NDFIP1: variants seen among roughly 807,000 people sequenced by gnomAD.
The protein encoded by NDFIP1 is Nedd4 family interacting protein 1, also known as NEDD4 family-interacting protein 1.
NDFIP1 carries 7 observed loss-of-function variants against 28.8 expected under a neutral mutation model. That is an observed-to-expected ratio of 0.24 (90% confidence interval 0.14 to 0.46). The LOEUF (loss-of-function observed/expected upper bound fraction) is 0.46, where lower values mean the gene tolerates loss of function less well. Among genes scored for constraint, NDFIP1 ranks in the 20% least tolerant of loss-of-function variants. The pLI is 0.99. For synonymous variants in NDFIP1, 92 were observed against 101.0 expected (o/e 0.91, Z 0.53); for missense variants, 194 against 269.1 (o/e 0.72, Z 1.95).
chr5:142,141,438 A>G (rs1201368579), intron 6 of NDFIP1, among the ~76,000 whole-genome samples: 1 of 151,840 alleles, frequency 6.6e-6, no homozygotes, highest in Non-Finnish European at 1.5e-5. Context: ...GGCCTCCCAA[A>G]GTGCTGGGAT....
chr5:142,142,136 AAAAAC>A (rs916192422), intron 6 of NDFIP1, among the ~76,000 whole-genome samples: 4 of 152,030 alleles, frequency 2.6e-5, no homozygotes, highest in Non-Finnish European at 4.4e-5. Context: ...CAGTGTCTCT[AAAAAC>A]AAAACAAAAC....
At chr5:142,113,712 C>G (rs1017130973) in intron 1 of NDFIP1, among the ~76,000 whole-genome samples, 1 of 152,168 alleles carries the variant, frequency 6.6e-6, no homozygotes, top group Non-Finnish European at 1.5e-5. Flanking sequence ...CAATAACTCT[C>G]CATTCCCCCT....
At chr5:142,136,755 CAAAAAA>C (rs33932095) in intron 4 of NDFIP1, among the ~76,000 whole-genome samples, 1 of 76,452 alleles carries the variant, frequency 1.3e-5, no homozygotes, top group African/African-American at 5.5e-5. Context: ...GACTTCGTCT[CAAAAAA>C]AAAAAAAAAA....
chr5:142,152,388 G>A lies in NDFIP1; in HGVS notation c.*660G>A, dbSNP rs1757455774. 1 of 152,206 alleles carries A rather than the reference G, an allele frequency of 6.6e-6. No homozygotes were observed. Among genetic ancestry groups the A allele is most frequent in the African/African-American group, 2.4e-5 (1 of 41,376 alleles). The allele number at this position is 152,206 out of a possible 1,614,324, so 9.4% of individuals were successfully genotyped here. ...CTTATTGTACCTAAGGGATTCTAAA[G>A]GTGTTGTCACTGTATAAAACAGAAA... On this transcript the variant is annotated 3_prime_UTR_variant, in exon 8 of 8. Coordinates refer to ENST00000253814, the MANE Select transcript of NDFIP1 (RefSeq NM_030571.4).
At position 142,144,609 on chromosome 5, in the gene NDFIP1, A is replaced by G. The variant is rs1416917285; in HGVS notation, c.601A>G (p.Lys201Glu). 1 of 1,613,080 alleles carries G rather than the reference A, an allele frequency of 6.2e-7. No homozygotes were observed. Among genetic ancestry groups the G allele is most frequent in the Non-Finnish European group, 8.5e-7 (1 of 1,179,562 alleles). Residue 201 changes from lysine (K) to glutamate (E), a missense_variant, in exon 7 of 8, where the codon AAA becomes GAA. Coordinates refer to ENST00000253814, the MANE Select transcript of NDFIP1 (RefSeq NM_030571.4). Reference sequence around the variant, plus strand: ...TCTCAGAGGATTTATCAATTATGCAAAAGTTCGGAAGATGCCAGAAACTTT... The same window carrying G: ...TCTCAGAGGATTTATCAATTATGCAGAAGTTCGGAAGATGCCAGAAACTTT... Reference protein sequence around the residue: ...LFLRGFINYAKVRKMPETFSN... With the variant: ...LFLRGFINYAEVRKMPETFSN...
chr5:142,115,876 A>G lies in NDFIP1; in HGVS notation c.63+6839A>G, dbSNP rs536299210. Among the ~76,000 whole-genome samples, 314 of 152,368 alleles carry G rather than the reference A, an allele frequency of 2.1e-3. 2 individuals carry two copies. Among genetic ancestry groups the G allele is most frequent in the African/African-American group, 7.2e-3 (301 of 41,584 alleles). On this transcript the variant is annotated intron_variant, in intron 1 of 7. Coordinates refer to ENST00000253814, the MANE Select transcript of NDFIP1 (RefSeq NM_030571.4). ...AGATTGAAAATAGGGGAAAATAACC[A>G]TACAATAATAAATAATAGTGCAAGT...
rs1475032708 is a variant in NDFIP1, at chr5:142,153,397, G to A, written c.*1669G>A. 2.0e-5 allele frequency: 9 copies of A among 456,898 alleles called. No individual in the cohort carries two copies. In the Admixed American group the frequency reaches 2.1e-4, roughly 11 times the overall value. The allele number at this position is 456,898 out of a possible 1,614,324, so 28.3% of individuals were successfully genotyped here. A position where few individuals can be genotyped will look rare whatever the true frequency, so the allele number is the denominator to read the frequency against. On this transcript the variant is annotated 3_prime_UTR_variant, in exon 8 of 8. Coordinates refer to ENST00000253814, the MANE Select transcript of NDFIP1 (RefSeq NM_030571.4). Reference sequence around the variant, plus strand: ...TGCTGTGTATGTATATCCAGAATCAGCATAGGAAGTCGTTCAGGATATCAG... The same window carrying A: ...TGCTGTGTATGTATATCCAGAATCAACATAGGAAGTCGTTCAGGATATCAG...
At chr5:142,117,302 G>T (rs1757078810) in intron 1 of NDFIP1, among the ~76,000 whole-genome samples, 1 of 149,474 alleles carries the variant, frequency 6.7e-6, no homozygotes, top group African/African-American at 2.5e-5. Flanking sequence ...GGAGTGCAGT[G>T]GCGAAATCTC....
At position 142,153,784 on chromosome 5, in the gene NDFIP1, A is replaced by G. The variant is rs1193117778; in HGVS notation, c.*2056A>G. 1 of 159,088 alleles carries G rather than the reference A, an allele frequency of 6.3e-6. No individual in the cohort carries two copies. The highest frequency in any genetic ancestry group is 1.4e-5 in the Non-Finnish European group (1 of 71,802). 9.9% of individuals were successfully genotyped at this position (159,088 alleles called of 1,614,324 possible). A position where few individuals can be genotyped will look rare whatever the true frequency, so the allele number is the denominator to read the frequency against. On this transcript the variant is annotated 3_prime_UTR_variant, in exon 8 of 8. Transcript: ENST00000253814. ...TTGCAGAACAAAATAGAAGGGTCCT[A>G]AATCACGTTAACTCAAACATTGTAG...
intron 2 of NDFIP1, 23 bp downstream of exon 2, chr5:142,131,918 C>A: frequency 1.9e-6 from 3 of 1,543,350 alleles, no homozygotes; most frequent in South Asian, 2.5e-5. Context: ...GCAAGGTGAT[C>A]ACGGAATCCT....
chr5:142,122,444 A>G (rs1757130651), intron 1 of NDFIP1, among the ~76,000 whole-genome samples: 1 of 152,196 alleles, frequency 6.6e-6, no homozygotes, highest in East Asian at 1.9e-4. Context: ...CAGTTTTATG[A>G]ATACTGTTGC....
chr5:142,127,969 A>G (rs940409089), intron 1 of NDFIP1, among the ~76,000 whole-genome samples: 1 of 152,178 alleles, frequency 6.6e-6, no homozygotes, highest in Non-Finnish European at 1.5e-5. Context: ...AAAATAAATC[A>G]TATTTGAAGT....
intron 1 of NDFIP1, among the ~76,000 whole-genome samples, chr5:142,116,835 C>T (rs1220690176): frequency 2.0e-5 from 3 of 151,216 alleles, no homozygotes; most frequent in African/African-American, 7.3e-5. Flanking sequence ...CTCAGCTTCC[C>T]AAGTAGCTGG....
chr5:142,111,136 G>A (rs114723189), intron 1 of NDFIP1, among the ~76,000 whole-genome samples: 2,248 of 151,482 alleles, frequency 0.015, 47 homozygotes, highest in African/African-American at 0.049. Flanking sequence ...TATGAGCCCC[G>A]ATCATACTTG....
intron 1 of NDFIP1, among the ~76,000 whole-genome samples, chr5:142,128,074 C>T (rs1036986157): frequency 6.6e-6 from 1 of 152,152 alleles, no homozygotes; most frequent in African/African-American, 2.4e-5. Flanking sequence ...GGATATCCCC[C>T]CTACCCTTGC....
At chr5:142,140,193 A>G (rs1055166015) in intron 5 of NDFIP1, among the ~76,000 whole-genome samples, 1 of 152,202 alleles carries the variant, frequency 6.6e-6, no homozygotes, top group African/African-American at 2.4e-5. Flanking sequence ...TCACGCCTGT[A>G]ATCCCAGCAC....
chr5:142,112,764 C>T (rs998549909), intron 1 of NDFIP1, among the ~76,000 whole-genome samples: 4 of 144,150 alleles, frequency 2.8e-5, no homozygotes, highest in East Asian at 2.1e-4. Flanking sequence ...CCAGGCTGGG[C>T]GACGAAGTGA....
chr5:142,151,375 A>G (rs1204726453), intron 7 of NDFIP1, among the ~76,000 whole-genome samples: 2 of 152,104 alleles, frequency 1.3e-5, no homozygotes, highest in Admixed American at 1.3e-4. Context: ...GTGCACTTGG[A>G]TTATGCTCTC....
At chr5:142,147,126 T>C (rs1375298030) in intron 7 of NDFIP1, among the ~76,000 whole-genome samples, 1 of 152,160 alleles carries the variant, frequency 6.6e-6, no homozygotes, top group African/African-American at 2.4e-5. Flanking sequence ...GATACCCTGG[T>C]TTATTTGAAA....
Sources: allele counts gnomAD v4.1 joint callset (sites outside exome capture counted in the v4.1 genomes callset), GRCh38; gene constraint gnomAD v4.1.1; transcripts MANE v1.5; gene names NCBI Gene and HGNC (gene_info 2026-07-23, HGNC 2026-07-21).